SLC26A11: variants seen among roughly 807,000 people sequenced by gnomAD.
The protein encoded by SLC26A11 is solute carrier family 26 member 11, also known as sodium-independent sulfate anion transporter.
A neutral mutation model predicts 62.2 loss-of-function variants in SLC26A11; 58 were observed. That is an observed-to-expected ratio of 0.93 (90% CI 0.76 to 1.16). SLC26A11 has a LOEUF of 1.16. Among genes scored for constraint, SLC26A11 ranks in the 50% most tolerant of loss-of-function variants. The pLI, the probability that SLC26A11 is intolerant of heterozygous loss-of-function variation, is 0.00. For missense variants in SLC26A11, 790 were observed against 794.3 expected (o/e 0.99, Z 0.06); for synonymous variants, 411 against 368.9 (o/e 1.11, Z -1.31).
Position 80,252,593 on chromosome 17 carries a change from A to G in SLC26A11, c.1730-32A>G. On this transcript the variant is annotated intron_variant, in intron 17 of 17. Transcript: ENST00000361193. This position sits in a 1 kb window ranked among gnomAD's most constrained non-coding sequence, Gnocchi z 5.2. ...GACCCATCCTCACTTCTGAGCTTTT[A>G]GTGCTTGAAACATTTATTGTATTTT... The G allele has an allele frequency of 6.2e-7, 1 of 1,603,390 alleles. No individual in the cohort carries two copies. Among genetic ancestry groups the G allele is most frequent in the Middle Eastern group, 1.7e-4 (1 of 6,038 alleles).
chr17:80,237,277 G>A (rs1030006309), intron 8 of SLC26A11, 174 bp downstream of exon 8: 1 of 871,476 alleles, frequency 1.1e-6, no homozygotes, highest in East Asian at 2.7e-5. Context: ...TGCAAACTCA[G>A]CGAGCTCAGG....
intron 5 of SLC26A11, among the ~76,000 whole-genome samples, chr17:80,224,798 T>C (rs2042360085): frequency 6.6e-6 from 1 of 152,074 alleles, no homozygotes; most frequent in Non-Finnish European, 1.5e-5. Context: ...CATCCCTTGT[T>C]CATGCCTTCA....
Position 80,246,203 on chromosome 17 carries a change from GTGA to G in SLC26A11, c.1148_1150del (p.Val383_Thr384delinsAla), listed in dbSNP as rs763016810. ...GGTGTGCACCCCGGCGGGGGGCCTG[GTGA>G]CGGGTAAGGCCCCCCATCTTCCCCT... On this transcript the variant is annotated inframe_deletion, in exon 12 of 18. Transcript: ENST00000361193. The surrounding 1 kb of genome is among the most constrained non-coding windows in gnomAD (Gnocchi z 4.4). 1 of 1,611,546 alleles carries G rather than the reference GTGA, an allele frequency of 6.2e-7. No homozygotes were observed.
chr17:80,244,785 G>A (rs1163750999), intron 10 of SLC26A11, among the ~76,000 whole-genome samples: 1 of 152,134 alleles, frequency 6.6e-6, no homozygotes, highest in Non-Finnish European at 1.5e-5. Context: ...AGACCAGCCT[G>A]GCCAACATGG....
At chr17:80,242,997 G>A (rs973593559) in intron 10 of SLC26A11, among the ~76,000 whole-genome samples, 2 of 152,092 alleles carry the variant, frequency 1.3e-5, no homozygotes, top group African/African-American at 2.4e-5. Context: ...GTGAGCCACC[G>A]CGCCTGGCCC....
chr17:80,221,599 C>G lies in SLC26A11; in HGVS notation c.39C>G (p.Ser13=), dbSNP rs761226870. The G allele has an allele frequency of 5.0e-6, 8 of 1,606,258 alleles. No individual in the cohort carries two copies. Among genetic ancestry groups the G allele is most frequent in the Non-Finnish European group, 6.8e-6 (8 of 1,179,438 alleles). The stretch of plus-strand genomic sequence containing the variant: ...TGACGGCGCTGGGTCAGGCCAGGTC[C>G]TCTGGCCCCGGGATGGCCCCGAGCG... ...SSVTALGQAR[S]SGPGMAPSAC... is the part of the protein sequence containing the mutation. The change falls in exon 3 of 18, where the codon TCC becomes TCG. Residue 13 remains serine, a synonymous_variant. Transcript: ENST00000361193.
intron 7 of SLC26A11, among the ~76,000 whole-genome samples, chr17:80,229,709 C>T (rs2042510978): frequency 6.6e-6 from 1 of 152,112 alleles, no homozygotes; most frequent in Admixed American, 6.5e-5. Context: ...AGATTATAGG[C>T]GTGAGCCACT....
intron 6 of SLC26A11, among the ~76,000 whole-genome samples, chr17:80,226,707 G>T (rs2042422363): frequency 6.6e-6 from 1 of 152,080 alleles, no homozygotes; most frequent in South Asian, 2.1e-4. Context: ...TCTCCGCCCT[G>T]CCCTGCCCCC....
Position 80,246,476 on chromosome 17 carries a change from T to C in SLC26A11, c.1154-33T>C. Reference sequence around the variant, plus strand: ...GCTGCGTGCTGGGGGGACCCTGCACTCCCGAGGTCACCTGTGTTCCCGTGC... The same window carrying C: ...GCTGCGTGCTGGGGGGACCCTGCACCCCCGAGGTCACCTGTGTTCCCGTGC... On this transcript the variant is annotated intron_variant, in intron 12 of 17. Coordinates refer to ENST00000361193, the MANE Select transcript of SLC26A11 (RefSeq NM_001166347.2). The surrounding 1 kb of genome is among the most constrained non-coding windows in gnomAD (Gnocchi z 4.4). The C allele has an allele frequency of 6.2e-7, 1 of 1,604,822 alleles. No homozygotes were observed. The highest frequency in any genetic ancestry group is 8.5e-7 in the Non-Finnish European group (1 of 1,179,814).
rs1555626560 is a variant in SLC26A11, at chr17:80,225,823, C to CT, written c.514-13dup. 6.2e-7 allele frequency: 1 copy of CT among 1,612,874 alleles called. No individual in the cohort carries two copies. The highest frequency in any genetic ancestry group is 1.3e-5 in the African/African-American group (1 of 74,988). On this transcript the variant is annotated splice_polypyrimidine_tract_variant and intron_variant, in intron 5 of 17. Coordinates refer to ENST00000361193, the MANE Select transcript of SLC26A11 (RefSeq NM_001166347.2). ...GGAGCATAGCCTCTGATCAGCATCT[C>CT]TGTGTTTGGACAGAACCTGCTGGGA...
chr17:80,245,043 C>T (rs949068054), intron 10 of SLC26A11, among the ~76,000 whole-genome samples, 153 bp from the exon 11 acceptor site: 1 of 151,874 alleles, frequency 6.6e-6, no homozygotes, highest in Non-Finnish European at 1.5e-5. Flanking sequence ...TTCTTCCTTC[C>T]CTGAAGGAGT....
chr17:80,222,597 A>G lies in SLC26A11; in HGVS notation c.235-58A>G, dbSNP rs948376548. Reference sequence around the variant, plus strand: ...CATCCCGAGCTTGGACACGCACACTAGGGAGCTGGTGGATGGGCCTCGGCC... The same window carrying G: ...CATCCCGAGCTTGGACACGCACACTGGGGAGCTGGTGGATGGGCCTCGGCC... On this transcript the variant is annotated intron_variant, in intron 3 of 17. Coordinates refer to ENST00000361193, the MANE Select transcript of SLC26A11 (RefSeq NM_001166347.2). The surrounding 1 kb of genome is among the most constrained non-coding windows in gnomAD (Gnocchi z 4.7). The G allele has an allele frequency of 9.7e-6, 15 of 1,545,324 alleles. No homozygotes were observed. The East Asian group carries it at 2.3e-4, about 23-fold the overall frequency.
chr17:80,241,634 T>A, intron 9 of SLC26A11, 137 bp from the exon 10 acceptor site: 1 of 862,828 alleles, frequency 1.2e-6, no homozygotes, highest in Non-Finnish European at 1.9e-6. Context: ...TATATGTGAA[T>A]ATTTTAGATG....
chr17:80,231,169 T>A lies in SLC26A11; in HGVS notation c.736+3209T>A, dbSNP rs1466433066. On this transcript the variant is annotated intron_variant, in intron 7 of 17. Transcript: ENST00000361193. ...TTTTTTTTTTTTTTTCAAAAAAAAT[T>A]TTTTTTTTTTGAGACGGAGTTTCGC... Among the ~76,000 whole-genome samples the A allele has an allele frequency of 5.5e-4, 82 of 149,772 alleles. No individual in the cohort carries two copies. The East Asian group carries it at 0.015, about 27-fold the overall frequency.
chr17:80,224,880 C>T (rs2144879313), intron 5 of SLC26A11, among the ~76,000 whole-genome samples: 1 of 152,140 alleles, frequency 6.6e-6, no homozygotes, highest in South Asian at 2.1e-4. Flanking sequence ...CTGACAGGCC[C>T]AGGACAGAAG....
chr17:80,224,557 C>T (rs1014406696), intron 5 of SLC26A11, among the ~76,000 whole-genome samples: 1 of 152,120 alleles, frequency 6.6e-6, no homozygotes, highest in African/African-American at 2.4e-5. Context: ...ATTCTCAACA[C>T]ACCCCGGGAG....
chr17:80,245,287 C>G (rs749926646), intron 11 of SLC26A11, 31 bp downstream of exon 11: 13 of 1,610,164 alleles, frequency 8.1e-6, no homozygotes, highest in Non-Finnish European at 1.1e-5. Context: ...TTCTGTTTGC[C>G]CACGTTGGAC....
chr17:80,223,195 A>G lies in SLC26A11; in HGVS notation c.428-57A>G. 6.6e-7 allele frequency: 1 copy of G among 1,516,950 alleles called. No homozygotes were observed. Among genetic ancestry groups the G allele is most frequent in the Non-Finnish European group, 9.1e-7 (1 of 1,094,230 alleles). The allele number at this position is 1,516,950 out of a possible 1,614,324, so 94.0% of individuals were successfully genotyped here. ...CCTTCCCCAGCTCACATCTCCCCTC[A>G]TCCTCTGGGACTGGGTGGAGCCGGG... On this transcript the variant is annotated intron_variant, in intron 4 of 17. Transcript: ENST00000361193. This position sits in a 1 kb window ranked among gnomAD's most constrained non-coding sequence, Gnocchi z 4.6.
chr17:80,246,667 A>G lies in SLC26A11; in HGVS notation c.1294+18A>G. ...TGTTAAGAGTACGTCCTTGTCCTACAGGGGAGAGCGCTGTGATGCGGTGTC... is the reference window on the plus strand; with the variant it reads ...TGTTAAGAGTACGTCCTTGTCCTACGGGGGAGAGCGCTGTGATGCGGTGTC... On this transcript the variant is annotated intron_variant, in intron 13 of 17. Transcript: ENST00000361193. This position sits in a 1 kb window ranked among gnomAD's most constrained non-coding sequence, Gnocchi z 4.4. 5 of 1,611,672 alleles carry G rather than the reference A, an allele frequency of 3.1e-6. No individual in the cohort carries two copies. The highest frequency in any genetic ancestry group is 3.4e-6 in the Non-Finnish European group (4 of 1,179,052).
Sources: allele counts gnomAD v4.1 joint callset (sites outside exome capture counted in the v4.1 genomes callset), GRCh38; gene constraint gnomAD v4.1.1; non-coding constraint Gnocchi (gnomAD v3.1); transcripts MANE v1.5; gene names NCBI Gene and HGNC (gene_info 2026-07-23, HGNC 2026-07-21).